PLCL2: variants seen among roughly 807,000 people sequenced by gnomAD.
PLCL2 encodes the protein inactive phospholipase C-like protein 2.
PLCL2 carries 4 observed loss-of-function variants against 79.6 expected under a neutral mutation model. The ratio of observed to expected loss-of-function variants is 0.05; its 90% CI spans 0.02 to 0.11. The LOEUF (loss-of-function observed/expected upper bound fraction) is 0.11, where lower values mean the gene tolerates loss of function less well. PLCL2 is among the 10% of genes least tolerant of loss of function. PLCL2 has a pLI of 1.00. For missense variants in PLCL2, 895 were observed against 1,291.0 expected (o/e 0.69, Z 4.70); for synonymous variants, 484 against 457.7 (o/e 1.06, Z -0.73).
rs556927337 is a variant in PLCL2, at chr3:16,924,858, G to A, written c.327+39492G>A. Among the ~76,000 whole-genome samples, 111 of 152,120 alleles carry A rather than the reference G, an allele frequency of 7.3e-4. 1 individual carries two copies. The highest frequency in any genetic ancestry group is 1.0e-3 in the Admixed American group (16 of 15,300). On this transcript the variant is annotated intron_variant, in intron 1 of 5. Transcript: ENST00000615277. ...ACTAGGTATTAGAGTATACCTCTAG[G>A]TCAGGATTTTAGATTTTATTCAGCT...
chr3:16,936,583 A>G (rs1052443669), intron 1 of PLCL2, among the ~76,000 whole-genome samples: 15 of 152,266 alleles, frequency 9.9e-5, no homozygotes, highest in Admixed American at 9.2e-4. Flanking sequence ...TTATCTTTCT[A>G]CATGAATTTT....
chr3:17,015,399 T>C (rs763483247), intron 3 of PLCL2, among the ~76,000 whole-genome samples: 2 of 152,244 alleles, frequency 1.3e-5, no homozygotes, highest in Non-Finnish European at 2.9e-5. Flanking sequence ...GTGATACTTG[T>C]ATTTGTAATG....
chr3:16,930,050 G>A (rs924094317), intron 1 of PLCL2, among the ~76,000 whole-genome samples: 1 of 152,188 alleles, frequency 6.6e-6, no homozygotes, highest in African/African-American at 2.4e-5. Flanking sequence ...TGACTTTCAA[G>A]TTAGAGTGGT....
chr3:16,921,819 A>T (rs899534688), intron 1 of PLCL2, among the ~76,000 whole-genome samples: 1 of 152,190 alleles, frequency 6.6e-6, no homozygotes, highest in Non-Finnish European at 1.5e-5. Flanking sequence ...TTTGATTGTG[A>T]AGGGTCCAGA....
At chr3:16,977,296 GCATT>G (rs1258985704) in intron 1 of PLCL2, among the ~76,000 whole-genome samples, 1 of 152,056 alleles carries the variant, frequency 6.6e-6, no homozygotes, top group Non-Finnish European at 1.5e-5. Flanking sequence ...TCCCTGGCTG[GCATT>G]CATAGTTCCT....
intron 1 of PLCL2, among the ~76,000 whole-genome samples, chr3:16,959,985 G>A (rs1575554346): frequency 6.6e-6 from 1 of 152,074 alleles, no homozygotes. Context: ...GGCACCTGTA[G>A]TCCCAGCTAC....
chr3:17,079,523 C>A (rs1377541901), intron 5 of PLCL2, among the ~76,000 whole-genome samples: 1 of 152,152 alleles, frequency 6.6e-6, no homozygotes, highest in Non-Finnish European at 1.5e-5. Context: ...AATGGTTGGG[C>A]TCCAGAGGTG....
intron 1 of PLCL2, among the ~76,000 whole-genome samples, chr3:17,001,015 G>A (rs2064205495): frequency 1.3e-5 from 2 of 151,988 alleles, no homozygotes; most frequent in Non-Finnish European, 2.9e-5. Context: ...TTTCCAAAAT[G>A]GCTATACTAA....
chr3:17,071,552 A>G (rs770143364), intron 5 of PLCL2, among the ~76,000 whole-genome samples: 13 of 152,204 alleles, frequency 8.5e-5, no homozygotes, highest in Non-Finnish European at 7.3e-5. Flanking sequence ...AATAACCATT[A>G]TTAGACGTAG....
At chr3:17,070,147 A>C (rs1225824808) in intron 5 of PLCL2, among the ~76,000 whole-genome samples, 7 of 152,200 alleles carry the variant, frequency 4.6e-5, no homozygotes, top group Non-Finnish European at 7.3e-5. Context: ...GGGAACCAGC[A>C]ACCTGGGCCT....
intron 3 of PLCL2, among the ~76,000 whole-genome samples, chr3:17,024,374 G>A (rs2064490942): frequency 6.6e-6 from 1 of 152,120 alleles, no homozygotes; most frequent in Admixed American, 6.5e-5. Context: ...TTTTCTTCTA[G>A]CAATTGAATC....
intron 1 of PLCL2, among the ~76,000 whole-genome samples, chr3:16,960,392 T>A (rs1361736038): frequency 6.6e-6 from 1 of 152,192 alleles, no homozygotes; most frequent in East Asian, 1.9e-4. Flanking sequence ...CACTGCCTAG[T>A]GACAATTTCT....
intron 1 of PLCL2, among the ~76,000 whole-genome samples, chr3:16,993,139 C>T (rs1389657539): frequency 6.6e-6 from 1 of 152,206 alleles, no homozygotes; most frequent in African/African-American, 2.4e-5. Flanking sequence ...ATTTCCAGTG[C>T]CTGGGACTTA....
rs201437930 is a variant in PLCL2 at position 17,012,129 on chromosome 3, G to A, written c.2783G>A (p.Arg928Gln). 5 of 1,613,254 alleles carry A rather than the reference G, an allele frequency of 3.1e-6. No homozygotes were observed. The highest frequency in any genetic ancestry group is 4.2e-6 in the Non-Finnish European group (5 of 1,179,310). Residue 928 changes from arginine to glutamine, a missense_variant, in exon 2 of 6, where the codon CGG becomes CAG. Transcript: ENST00000615277. The part of the protein sequence containing the change: ...EVFKNAQPPI[R>Q]DATDLRENMQ... The stretch of plus-strand genomic sequence containing the variant: ...TTCAAGAATGCCCAGCCCCCTATAC[G>A]GGATGCCACAGATCTGAGAGAAAAC...
At chr3:16,994,718 C>T (rs1171438859) in intron 1 of PLCL2, among the ~76,000 whole-genome samples, 1 of 152,154 alleles carries the variant, frequency 6.6e-6, no homozygotes, top group Non-Finnish European at 1.5e-5. Context: ...TTCATTCATT[C>T]ATTCATTCGG....
chr3:16,989,687 C>G (rs1015085265), intron 1 of PLCL2, among the ~76,000 whole-genome samples: 1 of 151,550 alleles, frequency 6.6e-6, no homozygotes, highest in Non-Finnish European at 1.5e-5. Flanking sequence ...TGCTTCCTCC[C>G]AATACTGTCA....
chr3:16,970,260 G>A (rs1050870934), intron 1 of PLCL2, among the ~76,000 whole-genome samples: 3 of 149,416 alleles, frequency 2.0e-5, no homozygotes, highest in Non-Finnish European at 4.4e-5. Flanking sequence ...CCCTTCCTGT[G>A]TCCATGTGTT....
In PLCL2 at chr3:16,989,853, G is replaced by GT. The variant is rs1475344980; in HGVS notation, c.328-19812dup. Among the ~76,000 whole-genome samples the GT allele has an allele frequency of 2.6e-5, 4 of 151,470 alleles. No homozygotes were observed. In the East Asian group the frequency reaches 5.8e-4, roughly 22 times the overall value. On this transcript the variant is annotated intron_variant, in intron 1 of 5. Coordinates refer to ENST00000615277, the MANE Select transcript of PLCL2 (RefSeq NM_001144382.2). ...TGTAAATATGTAGCTAGATAGCGTA[G>GT]TTTTTTTTTCACTGTATGATAAAAA...
At position 16,887,831 on chromosome 3, in the gene PLCL2, C is replaced by A. The variant is rs1466982772; in HGVS notation, c.327+2465C>A. On this transcript the variant is annotated intron_variant, in intron 1 of 5. Coordinates refer to ENST00000615277, the MANE Select transcript of PLCL2 (RefSeq NM_001144382.2). The surrounding 1 kb of genome is among the most constrained non-coding windows in gnomAD (Gnocchi z 4.1). ...AAAGAATAAAAAGCTAAAGCAGAAG[C>A]CCATGTGAAAAAGCAATAGTGACAT... is the stretch of plus-strand genomic sequence containing the variant. 6.6e-6 allele frequency among the ~76,000 whole-genome samples: 1 copy of A among 151,820 alleles called. No individual in the cohort carries two copies. The highest frequency in any genetic ancestry group is 1.5e-5 in the Non-Finnish European group (1 of 67,952).
Sources: allele counts gnomAD v4.1 joint callset (sites outside exome capture counted in the v4.1 genomes callset), GRCh38; gene constraint gnomAD v4.1.1; non-coding constraint Gnocchi (gnomAD v3.1); transcripts MANE v1.5; gene names NCBI Gene and HGNC (gene_info 2026-07-23, HGNC 2026-07-21).